Variants in OXCT1 observed in about 807,000 individuals in gnomAD.
The protein encoded by OXCT1 is 3-oxoacid CoA-transferase 1, also known as succinyl-CoA:3-ketoacid coenzyme A transferase 1, mitochondrial.
Under a neutral mutation model 69.6 loss-of-function variants are expected in OXCT1, and 27 were observed. The ratio of observed to expected loss-of-function variants is 0.39; its 90% CI spans 0.29 to 0.54. OXCT1 has a LOEUF of 0.54. Among genes scored for constraint, OXCT1 ranks in the 20% least tolerant of loss-of-function variants. OXCT1 has a pLI of 0.72. For synonymous variants in OXCT1, 202 were observed against 217.8 expected (o/e 0.93, Z 0.64); for missense variants, 437 against 650.2 (o/e 0.67, Z 3.57).
intron 11 of OXCT1, among the ~76,000 whole-genome samples, chr5:41,799,034 TCTAAGCCATGTAAAA>T (rs368142277): frequency 2.6e-5 from 4 of 152,320 alleles, no homozygotes; most frequent in African/African-American, 9.6e-5. Flanking sequence ...AAAAGTATGC[TCTAAGCCATGTAAAA>T]CTATACAACT....
rs888392351 is a variant in OXCT1, at chr5:41,862,084, G to T, written c.187+558C>A. ...AAATTAGCCAGGAGTGATGGTGGGT[G>T]CCTGTAATCCCAGCTACTCGGGAGG... On this transcript the variant is annotated intron_variant, in intron 2 of 16. Coordinates refer to ENST00000196371, the MANE Select transcript of OXCT1 (RefSeq NM_000436.4). Among the ~76,000 whole-genome samples the T allele has an allele frequency of 4.6e-5, 7 of 152,284 alleles. 2 individuals carry two copies. In the South Asian group the frequency reaches 1.4e-3, roughly 32 times the overall value.
chr5:41,739,002 TAAGG>T (rs1275354986), intron 16 of OXCT1, among the ~76,000 whole-genome samples: 2 of 152,200 alleles, frequency 1.3e-5, no homozygotes, highest in African/African-American at 2.4e-5. Flanking sequence ...GGTTTAAAAA[TAAGG>T]AAGTATCATT....
At chr5:41,756,779 T>C (rs1207316741) in intron 14 of OXCT1, among the ~76,000 whole-genome samples, 1 of 152,056 alleles carries the variant, frequency 6.6e-6, no homozygotes, top group African/African-American at 2.4e-5. Context: ...AAAGCTTCTC[T>C]GGTATTTTGA....
At chr5:41,758,959 G>T (rs145300940) in intron 14 of OXCT1, among the ~76,000 whole-genome samples, 1 of 152,126 alleles carries the variant, frequency 6.6e-6, no homozygotes, top group East Asian at 1.9e-4. Flanking sequence ...AAACAGGGAG[G>T]AGTCTAATGC....
rs1742587102 is a variant in OXCT1, at chr5:41,730,900, C to G, written c.*829G>C. ...GTAAAACACCTTTTATTTTTTAACT[C>G]TGCTGTCATTGCTACTAAGGATTCA... On this transcript the variant is annotated 3_prime_UTR_variant, in exon 17 of 17. Coordinates refer to ENST00000196371, the MANE Select transcript of OXCT1 (RefSeq NM_000436.4). 1 of 152,196 alleles carries G rather than the reference C, an allele frequency of 6.6e-6. No homozygotes were observed. 9.4% of individuals were successfully genotyped at this position (152,196 alleles called of 1,614,324 possible).
intron 13 of OXCT1, among the ~76,000 whole-genome samples, chr5:41,789,027 C>CA (rs1414883891): frequency 3.9e-5 from 6 of 151,928 alleles, no homozygotes; most frequent in African/African-American, 7.3e-5. Flanking sequence ...ATGGGTCATA[C>CA]AAAAAATAAC....
intron 7 of OXCT1, among the ~76,000 whole-genome samples, chr5:41,837,563 CAA>C (rs777241187): frequency 4.6e-4 from 13 of 28,216 alleles, no homozygotes; most frequent in Non-Finnish European, 4.3e-4. Context: ...GGTACTAGAA[CAA>C]AAAAAAAAAA....
intron 14 of OXCT1, among the ~76,000 whole-genome samples, chr5:41,757,418 C>G (rs1189689335): frequency 6.6e-6 from 1 of 152,080 alleles, no homozygotes; most frequent in East Asian, 1.9e-4. Flanking sequence ...CCAGGTTCTG[C>G]AGGCTCTGCT....
At chr5:41,845,274 G>A (rs559601190) in intron 5 of OXCT1, among the ~76,000 whole-genome samples, 2 of 152,184 alleles carry the variant, frequency 1.3e-5, no homozygotes, top group East Asian at 1.9e-4. Flanking sequence ...CCTTATTCAG[G>A]TCTCTACCAA....
At chr5:41,789,321 C>T (rs966077252) in intron 13 of OXCT1, among the ~76,000 whole-genome samples, 6 of 152,184 alleles carry the variant, frequency 3.9e-5, no homozygotes, top group African/African-American at 1.4e-4. Flanking sequence ...TTGGTACATG[C>T]AACACAGTTT....
chr5:41,755,057 C>A (rs550035073), intron 14 of OXCT1, among the ~76,000 whole-genome samples: 1 of 152,134 alleles, frequency 6.6e-6, no homozygotes, highest in Admixed American at 6.5e-5. Flanking sequence ...GAGGGCAGAG[C>A]ACAGAAGTCA....
chr5:41,794,845 A>G (rs913571537), intron 11 of OXCT1, 96 bp from the exon 12 acceptor site: 60 of 1,360,348 alleles, frequency 4.4e-5, no homozygotes, highest in Non-Finnish European at 5.9e-5. Flanking sequence ...TCCCAAAAGA[A>G]CTTAAGCTCC....
chr5:41,833,442 C>T (rs1748196272), intron 7 of OXCT1, among the ~76,000 whole-genome samples: 1 of 150,152 alleles, frequency 6.7e-6, no homozygotes, highest in Non-Finnish European at 1.5e-5. Flanking sequence ...AAATAAAGAA[C>T]TTCCAAGACA....
chr5:41,819,641 A>G (rs1747446846), intron 7 of OXCT1, among the ~76,000 whole-genome samples: 1 of 151,910 alleles, frequency 6.6e-6, no homozygotes, highest in Non-Finnish European at 1.5e-5. Flanking sequence ...AAGTGCTGAG[A>G]TAACAGGCGT....
At chr5:41,866,633 CA>C (rs1357892217) in intron 1 of OXCT1, among the ~76,000 whole-genome samples, 1 of 152,172 alleles carries the variant, frequency 6.6e-6, no homozygotes, top group Non-Finnish European at 1.5e-5. Flanking sequence ...CGGTGTCTAC[CA>C]AAGGTAGAAT....
intron 7 of OXCT1, among the ~76,000 whole-genome samples, chr5:41,817,557 T>C (rs1172427160): frequency 1.3e-5 from 2 of 152,218 alleles, no homozygotes; most frequent in Non-Finnish European, 2.9e-5. Flanking sequence ...ATCTGTTAAA[T>C]GCAAAACATG....
In OXCT1 at chr5:41,801,087, A is replaced by G; in HGVS notation, c.1051-17T>C. On this transcript the variant is annotated splice_polypyrimidine_tract_variant and intron_variant, in intron 10 of 16. Transcript: ENST00000196371. ...ATATGGACCCTGTCAAATACAACATACATTCAATTAGTAAATGAAGATTCT... is the reference window on the plus strand; with the variant it reads ...ATATGGACCCTGTCAAATACAACATGCATTCAATTAGTAAATGAAGATTCT... The G allele has an allele frequency of 6.3e-7, 1 of 1,581,042 alleles. No individual in the cohort carries two copies. The highest frequency in any genetic ancestry group is 8.7e-7 in the Non-Finnish European group (1 of 1,149,994).
intron 2 of OXCT1, 125 bp from the exon 3 acceptor site, chr5:41,861,529 T>A: frequency 1.4e-6 from 1 of 731,354 alleles, no homozygotes; most frequent in East Asian, 2.5e-5. Flanking sequence ...CTAAGCAAAA[T>A]ACACAGATAT....
chr5:41,812,610 C>T (rs903547398), intron 7 of OXCT1, among the ~76,000 whole-genome samples: 3 of 152,028 alleles, frequency 2.0e-5, no homozygotes, highest in East Asian at 3.9e-4. Flanking sequence ...AAGGGTGGCT[C>T]CTGGGGTGAT....
Sources: allele counts gnomAD v4.1 joint callset (sites outside exome capture counted in the v4.1 genomes callset), GRCh38; gene constraint gnomAD v4.1.1; transcripts MANE v1.5; gene names NCBI Gene and HGNC (gene_info 2026-07-23, HGNC 2026-07-21).